Variants in EPB41L4B observed in about 807,000 individuals in gnomAD.
EPB41L4B encodes erythrocyte membrane protein band 4.1 like 4B.
In EPB41L4B, 30 loss-of-function variants were observed where a neutral mutation model predicts 112.5. That is an observed-to-expected ratio of 0.27 (90% confidence interval 0.20 to 0.36). The LOEUF (loss-of-function observed/expected upper bound fraction) is 0.36. EPB41L4B is among the 10% of genes least tolerant of loss of function. EPB41L4B has a pLI of 1.00. For synonymous variants in EPB41L4B, 408 were observed against 439.7 expected, an observed-to-expected ratio of 0.93 and a Z score of 0.90; for missense variants, 1,024 against 1,133.3, an observed-to-expected ratio of 0.90 and a Z score of 1.38.
At chr9:109,250,383 GCATGGCACAGTCAAGCTGTGCC>G (rs1424432187) in intron 13 of EPB41L4B, among the ~76,000 whole-genome samples, 1 of 152,126 alleles carries the variant, frequency 6.6e-6, no homozygotes, top group East Asian at 1.9e-4. Flanking sequence ...GACTGATAGT[GCATGGCACAGTCAAGCTGTGCC>G]CATCTCAAAG....
At chr9:109,273,532 C>T (rs1245476564) in intron 2 of EPB41L4B, among the ~76,000 whole-genome samples, 9 of 152,086 alleles carry the variant, frequency 5.9e-5, no homozygotes, top group Non-Finnish European at 1.2e-4. Context: ...CAGACGTGAG[C>T]CACCACACCA....
At chr9:109,208,146 C>A in intron 17 of EPB41L4B, 97 bp from the exon 18 acceptor site, 1 of 1,429,392 alleles carries the variant, frequency 7.0e-7, no homozygotes, top group Non-Finnish European at 9.6e-7. Flanking sequence ...TAACACAGAC[C>A]TACATACATA....
intron 15 of EPB41L4B, chr9:109,240,422 T>C: frequency 1.0e-6 from 1 of 985,394 alleles, no homozygotes; most frequent in Non-Finnish European, 1.2e-6. Flanking sequence ...TAATAAAATA[T>C]CTCAAAGGAT....
At chr9:109,192,506 T>C in intron 21 of EPB41L4B, 151 bp from the exon 22 acceptor site, 1 of 519,290 alleles carries the variant, frequency 1.9e-6, no homozygotes, top group Non-Finnish European at 3.2e-6. Flanking sequence ...CCAAGTAGTG[T>C]ACAAAATGTT....
chr9:109,200,180 T>C, intron 20 of EPB41L4B, 56 bp downstream of exon 20: 2 of 1,436,640 alleles, frequency 1.4e-6, no homozygotes, highest in South Asian at 2.3e-5. Flanking sequence ...CATTTGTATC[T>C]AAACAATTAG....
At chr9:109,237,573 T>C (rs1276676808) in intron 15 of EPB41L4B, among the ~76,000 whole-genome samples, 1 of 152,144 alleles carries the variant, frequency 6.6e-6, no homozygotes, top group Non-Finnish European at 1.5e-5. Flanking sequence ...AAGAATAATG[T>C]CCAATCTCTG....
rs1279342024 is a variant in EPB41L4B at position 109,172,844 on chromosome 9, A to G, written c.*1710T>C. Reference sequence around the variant, plus strand: ...TTACAACAATACTAGTAAATGAGGCATTACCTTTTTTTGTAGTCATTAGTA... The same window carrying G: ...TTACAACAATACTAGTAAATGAGGCGTTACCTTTTTTTGTAGTCATTAGTA... On this transcript the variant is annotated 3_prime_UTR_variant, in exon 26 of 26. Coordinates refer to ENST00000374566, the MANE Select transcript of EPB41L4B (RefSeq NM_019114.5). 1 of 152,668 alleles carries G rather than the reference A, an allele frequency of 6.6e-6. No homozygotes were observed. The highest frequency in any genetic ancestry group is 2.4e-5 in the African/African-American group (1 of 41,466). 9.5% of individuals were successfully genotyped at this position (152,668 alleles called of 1,614,324 possible).
chr9:109,239,785 G>A, intron 15 of EPB41L4B: 2 of 978,352 alleles, frequency 2.0e-6, no homozygotes, highest in Non-Finnish European at 2.4e-6. Context: ...CAATTTCCAG[G>A]AGCCCACAGA....
At chr9:109,252,659 C>T (rs1834832889) in intron 12 of EPB41L4B, among the ~76,000 whole-genome samples, 1 of 152,112 alleles carries the variant, frequency 6.6e-6, no homozygotes, top group South Asian at 2.1e-4. Context: ...CATGGAGTGG[C>T]CACAAGGAAA....
chr9:109,265,000 C>T lies in EPB41L4B; in HGVS notation c.558G>A (p.Arg186=). The T allele has an allele frequency of 6.2e-7, 1 of 1,608,298 alleles. No homozygotes were observed. Among genetic ancestry groups the T allele is most frequent in the East Asian group, 2.2e-5 (1 of 44,592 alleles). ...FTRYLFVLQL[R]HDILSGKLKC... ...CTTACTTTCCAGAAAGAATGTCATGCCTGAGTTGTAAAACAAACAGGTACC... is the reference window on the plus strand; with the variant it reads ...CTTACTTTCCAGAAAGAATGTCATGTCTGAGTTGTAAAACAAACAGGTACC... Residue 186 remains arginine, a synonymous_variant, in exon 5 of 26, where the codon AGG becomes AGA. Coordinates refer to ENST00000374566, the MANE Select transcript of EPB41L4B (RefSeq NM_019114.5).
Position 109,307,086 on chromosome 9 carries a change from G to T in EPB41L4B, c.306+13055C>A, listed in dbSNP as rs78810000. The T allele has an allele frequency of 3.7e-3, 705 of 192,148 alleles. 9 individuals carry two copies. Among genetic ancestry groups the T allele is most frequent in the African/African-American group, 0.016 (656 of 40,944 alleles). 11.9% of individuals were successfully genotyped at this position (192,148 alleles called of 1,614,324 possible). ...AATAAAACAGTTCTTGTCAGTAAATGGATGCAACTGTAACTATCTGGAAAA... is the reference window on the plus strand; with the variant it reads ...AATAAAACAGTTCTTGTCAGTAAATTGATGCAACTGTAACTATCTGGAAAA... On this transcript the variant is annotated intron_variant, in intron 1 of 25. Coordinates refer to ENST00000374566, the MANE Select transcript of EPB41L4B (RefSeq NM_019114.5).
At chr9:109,239,833 G>A (rs957502704) in intron 15 of EPB41L4B, 31 of 985,338 alleles carry the variant, frequency 3.1e-5, no homozygotes, top group Non-Finnish European at 3.6e-5. Context: ...AAGAGCACAA[G>A]TAGCCAGGAC....
chr9:109,176,691 G>A lies in EPB41L4B; in HGVS notation c.2493C>T (p.Asp831=). The change falls in exon 25 of 26, where the codon GAC becomes GAT. Residue 831 remains aspartate, a synonymous_variant. Transcript: ENST00000374566. Reference sequence around the variant, plus strand: ...AGCACTGTAATTTACTGTCTCTGAAGTCTGCCTGGAGAAGAAACAGGAAAG... The same window carrying A: ...AGCACTGTAATTTACTGTCTCTGAAATCTGCCTGGAGAAGAAACAGGAAAG... ...TFTTGPQFTA[D]FRDSKLQCCP... is the part of the protein sequence containing the mutation. 1 of 1,612,882 alleles carries A rather than the reference G, an allele frequency of 6.2e-7. No homozygotes were observed. The highest frequency in any genetic ancestry group is 1.7e-4 in the Middle Eastern group (1 of 6,056).
chr9:109,194,129 T>C (rs916789637), intron 21 of EPB41L4B, 91 bp downstream of exon 21: 13 of 1,426,126 alleles, frequency 9.1e-6, no homozygotes, highest in Non-Finnish European at 1.1e-5. Flanking sequence ...TTATGCAAAA[T>C]TTAAATACAT....
chr9:109,315,757 G>T (rs564571226), intron 1 of EPB41L4B, among the ~76,000 whole-genome samples: 1 of 152,222 alleles, frequency 6.6e-6, no homozygotes, highest in Admixed American at 6.5e-5. Flanking sequence ...TGTTATGTGA[G>T]ATCAGAGGTT....
At chr9:109,216,583 A>T (rs1382215428) in intron 16 of EPB41L4B, among the ~76,000 whole-genome samples, 3 of 150,906 alleles carry the variant, frequency 2.0e-5, no homozygotes, top group Non-Finnish European at 4.4e-5. Context: ...GGAGGGTGCA[A>T]TGAGCCGAGA....
intron 1 of EPB41L4B, among the ~76,000 whole-genome samples, chr9:109,282,652 G>C (rs537960014): frequency 2.0e-5 from 3 of 151,970 alleles, no homozygotes; most frequent in Non-Finnish European, 4.4e-5. Context: ...CTCTCTCTCC[G>C]CAAGATTTAG....
chr9:109,244,271 G>C (rs1233838880), intron 14 of EPB41L4B, among the ~76,000 whole-genome samples: 1 of 151,452 alleles, frequency 6.6e-6, no homozygotes, highest in Non-Finnish European at 1.5e-5. Context: ...AAACCATCCA[G>C]AGCGCTTATC....
chr9:109,217,087 C>G lies in EPB41L4B; in HGVS notation c.1468G>C (p.Glu490Gln). ...GTGAGGAACGGTGTGCCCCCATTCTCCTCAATGCCAAAAGGCAACCGGTCC... is the reference window on the plus strand; with the variant it reads ...GTGAGGAACGGTGTGCCCCCATTCTGCTCAATGCCAAAAGGCAACCGGTCC... The part of the protein sequence containing the change: ...SSDRLPFGIE[E>Q]NGGTPFLTAA... The change falls in exon 16 of 26, where the codon GAG (glutamate) becomes CAG (glutamine). Residue 490 changes from glutamate (E) to glutamine (Q), a missense_variant. By Grantham distance (29) the Glu-to-Gln change is conservative (BLOSUM62 2). Coordinates refer to ENST00000374566, the MANE Select transcript of EPB41L4B (RefSeq NM_019114.5). The G allele has an allele frequency of 1.2e-6, 2 of 1,614,170 alleles. No individual in the cohort carries two copies. Among genetic ancestry groups the G allele is most frequent in the Non-Finnish European group, 1.7e-6 (2 of 1,180,038 alleles).
Sources: allele counts gnomAD v4.1 joint callset (sites outside exome capture counted in the v4.1 genomes callset), GRCh38; gene constraint gnomAD v4.1.1; transcripts MANE v1.5; gene names NCBI Gene and HGNC (gene_info 2026-07-23, HGNC 2026-07-21).